PDGFC: variants seen among roughly 807,000 people sequenced by gnomAD.
The protein encoded by PDGFC is platelet derived growth factor C, also known as platelet-derived growth factor C.
PDGFC carries 12 observed loss-of-function variants against 35.5 expected under a neutral mutation model. The observed-to-expected ratio is 0.34, with a 90% CI of 0.22 to 0.55. The LOEUF is 0.55. Ranked by LOEUF, PDGFC falls within the 20% of genes least tolerant of loss-of-function variation. PDGFC has a pLI of 0.91. For synonymous variants in PDGFC, 159 were observed against 148.8 expected (o/e 1.07, Z -0.50); for missense variants, 322 against 412.4 (o/e 0.78, Z 1.90).
chr4:156,803,074 T>C (rs542354675), intron 3 of PDGFC, among the ~76,000 whole-genome samples: 14 of 152,268 alleles, frequency 9.2e-5, no homozygotes, highest in African/African-American at 3.1e-4. Context: ...AGAAGGAGAC[T>C]GCAAGGATGA....
At chr4:156,803,630 G>GA (rs1476782517) in intron 3 of PDGFC, among the ~76,000 whole-genome samples, 1 of 152,076 alleles carries the variant, frequency 6.6e-6, no homozygotes, top group Admixed American at 6.6e-5. Context: ...ACAAAGGGCA[G>GA]AAAAATCATT....
chr4:156,910,929 T>C (rs1731023756), intron 1 of PDGFC, among the ~76,000 whole-genome samples: 2 of 152,212 alleles, frequency 1.3e-5, no homozygotes, highest in African/African-American at 4.8e-5. Flanking sequence ...GTCCTTTATA[T>C]ATCATATACA....
At chr4:156,777,301 T>G (rs2110833671) in intron 3 of PDGFC, among the ~76,000 whole-genome samples, 1 of 152,308 alleles carries the variant, frequency 6.6e-6, no homozygotes, top group East Asian at 1.9e-4. Context: ...AATGTTTAAA[T>G]GAATATAGAC....
rs147173669 is a variant in PDGFC, at chr4:156,928,392, G to A, written c.118+42394C>T. The stretch of plus-strand genomic sequence containing the variant: ...AGCTCTACCTGATTTTAACTTTAAA[G>A]ATTGAAAATTCACGCATTGCACTTA... On this transcript the variant is annotated intron_variant, in intron 1 of 5. Transcript: ENST00000502773. Among the ~76,000 whole-genome samples the A allele has an allele frequency of 5.3e-3, 802 of 152,268 alleles. 5 individuals are homozygous for A. The highest frequency in any genetic ancestry group is 0.031 in the Middle Eastern group (9 of 294).
chr4:156,970,726 A>G, intron 1 of PDGFC, 60 bp downstream of exon 1: 2 of 1,059,734 alleles, frequency 1.9e-6, no homozygotes, highest in Non-Finnish European at 3.0e-6. Context: ...CCAACGCACA[A>G]TGCCAACGTT....
In PDGFC at chr4:156,850,235, T is replaced by G. The variant is rs1315801636; in HGVS notation, c.300A>C (p.Glu100Asp). The change falls in exon 2 of 6, where the codon GAA (glutamate) becomes GAC (aspartate). Residue 100 changes from glutamate (E) to aspartate (D), a missense_variant. Physicochemically the swap from Glu to Asp is conservative, Grantham distance 45. This residue lies in a region of PDGFC where 120 missense variants were observed against 116.6 expected (regional missense o/e 1.03). Coordinates refer to ENST00000502773, the MANE Select transcript of PDGFC (RefSeq NM_016205.3). ...TGATCACTTACTTGCATATGTCATC[T>G]TCTGGGTCTTCAAGCCCAAATCTTT... ...FDERFGLEDP[E>D]DDICKYDFVE... 2 of 1,579,922 alleles carry G rather than the reference T, an allele frequency of 1.3e-6. No individual in the cohort carries two copies. Among genetic ancestry groups the G allele is most frequent in the South Asian group, 2.3e-5 (2 of 85,658 alleles).
intron 2 of PDGFC, among the ~76,000 whole-genome samples, chr4:156,826,174 A>AGTTTTT (rs1288749370): frequency 2.3e-5 from 1 of 43,768 alleles, no homozygotes; most frequent in African/African-American, 8.1e-5. Context: ...TTTGAGTTGG[A>AGTTTTT]TTTTTTTTTT....
intron 1 of PDGFC, among the ~76,000 whole-genome samples, chr4:156,960,271 T>A (rs555088415): frequency 1.1e-3 from 161 of 147,820 alleles, no homozygotes; most frequent in African/African-American, 3.6e-3. Context: ...TATATATATA[T>A]ATAAAACTAT....
At chr4:156,912,552 G>A (rs1443462494) in intron 1 of PDGFC, among the ~76,000 whole-genome samples, 5 of 152,116 alleles carry the variant, frequency 3.3e-5, no homozygotes, top group Non-Finnish European at 5.9e-5. Context: ...AAAATAACAT[G>A]GAGAAATGTA....
At chr4:156,897,044 T>C (rs1579084590) in intron 1 of PDGFC, among the ~76,000 whole-genome samples, 1 of 152,268 alleles carries the variant, frequency 6.6e-6, no homozygotes, top group East Asian at 1.9e-4. Flanking sequence ...AGGAGCCCAG[T>C]CGATACCTCT....
intron 3 of PDGFC, among the ~76,000 whole-genome samples, chr4:156,776,621 T>C (rs918312656): frequency 2.6e-5 from 4 of 152,224 alleles, no homozygotes; most frequent in African/African-American, 9.6e-5. Flanking sequence ...GCATCTACAA[T>C]CTATGTGATG....
At chr4:156,778,230 T>C (rs576971169) in intron 3 of PDGFC, 9 of 373,008 alleles carry the variant, frequency 2.4e-5, no homozygotes, top group East Asian at 1.6e-4. Flanking sequence ...TACTGCATCA[T>C]AGAAGAGAGT....
chr4:156,850,785 A>T (rs903837193), intron 1 of PDGFC, among the ~76,000 whole-genome samples: 56 of 151,234 alleles, frequency 3.7e-4, no homozygotes, highest in Non-Finnish European at 4.9e-4. Context: ...ACTAGATATA[A>T]TTCTATTTTA....
intron 1 of PDGFC, among the ~76,000 whole-genome samples, chr4:156,939,127 C>G (rs112333071): frequency 0.089 from 13,507 of 151,944 alleles, 1,814 homozygotes; most frequent in African/African-American, 0.29. Flanking sequence ...GGCTGGGCCT[C>G]TATTATTAAT....
chr4:156,857,192 C>T (rs2111102814), intron 1 of PDGFC, among the ~76,000 whole-genome samples: 1 of 151,636 alleles, frequency 6.6e-6, no homozygotes, highest in African/African-American at 2.4e-5. Flanking sequence ...AGAACACTGG[C>T]CATCATATTC....
chr4:156,792,307 C>T (rs1405458803), intron 3 of PDGFC, among the ~76,000 whole-genome samples: 2 of 152,020 alleles, frequency 1.3e-5, no homozygotes, highest in Non-Finnish European at 2.9e-5. Flanking sequence ...AAGGAAAAGA[C>T]AACTGTCAAT....
chr4:156,872,137 ACT>A (rs1344972791), intron 1 of PDGFC, among the ~76,000 whole-genome samples: 2 of 152,162 alleles, frequency 1.3e-5, no homozygotes, highest in African/African-American at 2.4e-5. Flanking sequence ...AGCTTTGCAC[ACT>A]CTGATTAAAC....
rs981490039 is a variant in PDGFC at position 156,875,127 on chromosome 4, A to T, written c.119-24711T>A. On this transcript the variant is annotated intron_variant, in intron 1 of 5. Transcript: ENST00000502773. ...TTAACAGGGAAAAAAAGCAAAAATA[A>T]TTGATGAGTGAAAGAAGAAAGAAAC... Among the ~76,000 whole-genome samples the T allele has an allele frequency of 1.6e-4, 24 of 152,188 alleles. 1 individual carries two copies. The highest frequency in any genetic ancestry group is 2.9e-5 in the Non-Finnish European group (2 of 68,040).
At chr4:156,961,992 C>G (rs1167405254) in intron 1 of PDGFC, among the ~76,000 whole-genome samples, 1 of 152,242 alleles carries the variant, frequency 6.6e-6, no homozygotes. Flanking sequence ...AACATTCCAG[C>G]AACAAGTAGT....
Sources: gnomAD v4.1 joint callset for allele counts (sites outside exome capture counted in the v4.1 genomes callset) on GRCh38, gnomAD v4.1.1 for gene constraint, gnomAD v4.1.1 regional missense constraint, MANE v1.5 for transcripts, NCBI Gene and HGNC (gene_info 2026-07-23, HGNC 2026-07-21) for gene names.